ABL1: variants seen among roughly 807,000 people sequenced by gnomAD.
ABL1 encodes the protein ABL proto-oncogene 1, non-receptor tyrosine kinase.
Under a neutral mutation model 94.7 loss-of-function variants are expected in ABL1, and 11 were observed. The observed-to-expected ratio is 0.12, with a 90% confidence interval of 0.07 to 0.19. ABL1 has a LOEUF of 0.19. Ranked by LOEUF, ABL1 falls within the 10% of genes least tolerant of loss-of-function variation. ABL1 has a pLI of 1.00. For synonymous variants in ABL1, 656 were observed against 622.4 expected, an observed-to-expected ratio of 1.05 and a Z score of -0.80; for missense variants, 1,082 against 1,489.4, an observed-to-expected ratio of 0.73 and a Z score of 4.50.
chr9:130,763,355 A>T (rs1832141432), intron 1 of ABL1, among the ~76,000 whole-genome samples: 1 of 152,082 alleles, frequency 6.6e-6, no homozygotes, highest in South Asian at 2.1e-4. Context: ...CCATTTATTC[A>T]TTCTCTTAAC....
intron 1 of ABL1, among the ~76,000 whole-genome samples, chr9:130,756,946 C>G (rs1168147450): frequency 6.6e-6 from 1 of 152,158 alleles, no homozygotes; most frequent in Non-Finnish European, 1.5e-5. Context: ...GCTGGAGTCC[C>G]CTTAGGGCAC....
intron 1 of ABL1, among the ~76,000 whole-genome samples, chr9:130,836,877 A>G (rs1442358191): frequency 1.3e-5 from 2 of 151,696 alleles, no homozygotes; most frequent in African/African-American, 2.4e-5. Context: ...CTCACTTTAG[A>G]TCAAGTAGGA....
At chr9:130,841,296 C>T (rs372271883) in intron 1 of ABL1, among the ~76,000 whole-genome samples, 5 of 151,782 alleles carry the variant, frequency 3.3e-5, no homozygotes, top group African/African-American at 1.2e-4. Context: ...TACAGGCGCC[C>T]GGGGGTTTCA....
chr9:130,756,914 T>C (rs781561171), intron 1 of ABL1, among the ~76,000 whole-genome samples: 20 of 152,208 alleles, frequency 1.3e-4, no homozygotes, highest in Non-Finnish European at 2.4e-4. Flanking sequence ...TTGGAATCCT[T>C]CAAGCCCTCC....
intron 1 of ABL1, among the ~76,000 whole-genome samples, chr9:130,790,953 C>A (rs1468920975): frequency 6.6e-6 from 1 of 152,130 alleles, no homozygotes; most frequent in Non-Finnish European, 1.5e-5. Context: ...GAGGTGGAGT[C>A]TTTTAAATTA....
chr9:130,835,790 C>A lies in ABL1; in HGVS notation c.79+265C>A, dbSNP rs1330186097. 6.6e-6 allele frequency among the ~76,000 whole-genome samples: 1 copy of A among 151,958 alleles called. No homozygotes were observed. The highest frequency in any genetic ancestry group is 2.4e-5 in the African/African-American group (1 of 41,370). ...GTCTCTTTCTCTTTCTCGCGATGGC[C>A]CCTAGGCGCCGCCGGCGGAGCGTGG... On this transcript the variant is annotated intron_variant, in intron 1 of 10. Coordinates refer to ENST00000318560, the MANE Select transcript of ABL1 (RefSeq NM_005157.6). This position sits in a 1 kb window ranked among gnomAD's most constrained non-coding sequence, Gnocchi z 4.6.
intron 1 of ABL1, among the ~76,000 whole-genome samples, chr9:130,804,733 T>C (rs1830103534): frequency 6.6e-6 from 1 of 152,244 alleles, no homozygotes; most frequent in South Asian, 2.1e-4. Flanking sequence ...GTAGTTAATT[T>C]AGAAGGTTTA....
chr9:130,757,349 C>G (rs995297041), intron 1 of ABL1, among the ~76,000 whole-genome samples: 3 of 151,962 alleles, frequency 2.0e-5, no homozygotes, highest in African/African-American at 7.3e-5. Context: ...TTGTTTGAGC[C>G]TAGGAGTTCA....
rs1831440890 is a variant in ABL1, at chr9:130,880,877, G to T, written c.1678+213G>T. On this transcript the variant is annotated intron_variant, in intron 10 of 10. Coordinates refer to ENST00000318560, the MANE Select transcript of ABL1 (RefSeq NM_005157.6). This position sits in a 1 kb window ranked among gnomAD's most constrained non-coding sequence, Gnocchi z 4.4. ...CTCTGAGAGTCCCCGAGGAGCATAGGCTCCAGCAGTGAGTTCAGTCCTGTA... is the reference window on the plus strand; with the variant it reads ...CTCTGAGAGTCCCCGAGGAGCATAGTCTCCAGCAGTGAGTTCAGTCCTGTA... 6.6e-6 allele frequency among the ~76,000 whole-genome samples: 1 copy of T among 152,204 alleles called. No homozygotes were observed. Among genetic ancestry groups the T allele is most frequent in the African/African-American group, 2.4e-5 (1 of 41,448 alleles).
chr9:130,812,263 C>T (rs913426614), intron 1 of ABL1, among the ~76,000 whole-genome samples: 10 of 149,398 alleles, frequency 6.7e-5, no homozygotes, highest in South Asian at 2.1e-4. Flanking sequence ...CAGGAGGCTA[C>T]GGTGGGAGGA....
rs570029689 is a variant in ABL1, at chr9:130,870,892, TG to T, written c.823-1236del. 1.0e-3 allele frequency among the ~76,000 whole-genome samples: 155 copies of T among 152,266 alleles called. 2 individuals are homozygous for T. The Middle Eastern group carries it at 0.017, about 17-fold the overall frequency. ...ACAGGATTGGCCAAAGCAAGAAGGC[TG>T]TAAGTAAAGGTTGGCCCGTCCTCTG... On this transcript the variant is annotated intron_variant, in intron 4 of 10. Coordinates refer to ENST00000318560, the MANE Select transcript of ABL1 (RefSeq NM_005157.6).
At chr9:130,854,485 G>C (rs1432738851) in intron 2 of ABL1, among the ~76,000 whole-genome samples, 2 of 152,106 alleles carry the variant, frequency 1.3e-5, no homozygotes, top group Non-Finnish European at 2.9e-5. Context: ...ACAAAATACT[G>C]AACGCAATTT....
At chr9:130,796,766 TA>T (rs11397002) in intron 1 of ABL1, among the ~76,000 whole-genome samples, 11 of 146,826 alleles carry the variant, frequency 7.5e-5, no homozygotes, top group African/African-American at 2.0e-4. Flanking sequence ...TGCCTTTTGT[TA>T]AAAAAAAAAC....
Position 130,751,992 on chromosome 9 carries a change from A to G in ABL1, c.136+37537A>G, listed in dbSNP as rs142646596. ...ACCCTGGAAGGAGGATGGAATGGCT[A>G]TGGATTATCCATCCACCATATTCGC... On this transcript the variant is annotated intron_variant, in intron 1 of 10. Coordinates refer to the ABL1 transcript ENST00000372348. Among the ~76,000 whole-genome samples the G allele has an allele frequency of 1.3e-4, 20 of 152,332 alleles. No individual in the cohort carries two copies. The East Asian group carries it at 3.3e-3, about 25-fold the overall frequency.
At chr9:130,795,196 T>C (rs1376712410) in intron 1 of ABL1, among the ~76,000 whole-genome samples, 3 of 152,198 alleles carry the variant, frequency 2.0e-5, no homozygotes, top group Non-Finnish European at 4.4e-5. Flanking sequence ...CTGTAGCTAG[T>C]TTGCCACTGA....
In ABL1 at chr9:130,872,862, G is replaced by A. The variant is rs767746890; in HGVS notation, c.910G>A (p.Val304Ile). ...KHPNLVQLLG[V>I]CTREPPFYII... ...AGTCCTCGTTGTCTTGTTGGCAGGG[G>A]TCTGCACCCGGGAGCCCCCGTTCTA... The change falls in exon 6 of 11, where the codon GTC becomes ATC. Residue 304 changes from valine (V) to isoleucine (I), a missense_variant and splice_region_variant. Coordinates refer to ENST00000318560, the MANE Select transcript of ABL1 (RefSeq NM_005157.6). This position sits in a 1 kb window ranked among gnomAD's most constrained non-coding sequence, Gnocchi z 5.0. 3 of 1,609,932 alleles carry A rather than the reference G, an allele frequency of 1.9e-6. No homozygotes were observed. Among genetic ancestry groups the A allele is most frequent in the Non-Finnish European group, 2.5e-6 (3 of 1,176,758 alleles).
At chr9:130,799,252 A>G (rs1274249996) in intron 1 of ABL1, among the ~76,000 whole-genome samples, 1 of 152,242 alleles carries the variant, frequency 6.6e-6, no homozygotes, top group Non-Finnish European at 1.5e-5. Context: ...GATTTAGGAT[A>G]AGTGCAAGGT....
chr9:130,838,008 G>A (rs946414880), intron 1 of ABL1, among the ~76,000 whole-genome samples: 2 of 152,206 alleles, frequency 1.3e-5, no homozygotes, highest in African/African-American at 4.8e-5. Context: ...AGCTGTCAAA[G>A]CAACACTGGT....
intron 1 of ABL1, among the ~76,000 whole-genome samples, chr9:130,824,548 C>T (rs913967500): frequency 2.0e-5 from 3 of 152,134 alleles, no homozygotes; most frequent in African/African-American, 7.2e-5. Context: ...TACATTTAAC[C>T]ACCACACTTA....
Sources: gnomAD v4.1 joint callset for allele counts (sites outside exome capture counted in the v4.1 genomes callset) on GRCh38, gnomAD v4.1.1 for gene constraint, Gnocchi (gnomAD v3.1) non-coding constraint, MANE v1.5 for transcripts, NCBI Gene and HGNC (gene_info 2026-07-23, HGNC 2026-07-21) for gene names.